ASXL2: variants seen among roughly 807,000 people sequenced by gnomAD.
ASXL2 encodes the protein ASXL transcriptional regulator 2.
A neutral mutation model predicts 122.0 loss-of-function variants in ASXL2; 23 were observed. The observed-to-expected ratio is 0.19, with a 90% CI of 0.14 to 0.27. The LOEUF is 0.27. Ranked by LOEUF, ASXL2 falls within the 10% of genes least tolerant of loss-of-function variation. The probability of loss-of-function intolerance (pLI) is 1.00; values close to 1 mark genes in which losing one functional copy is unlikely to be tolerated. For missense variants in ASXL2, 1,518 were observed against 1,713.8 expected, an observed-to-expected ratio of 0.89 and a Z score of 2.02; for synonymous variants, 650 against 637.0, an observed-to-expected ratio of 1.02 and a Z score of -0.31.
At chr2:25,837,585 C>T (rs1335572153) in intron 2 of ASXL2, among the ~76,000 whole-genome samples, 1 of 152,118 alleles carries the variant, frequency 6.6e-6, no homozygotes, top group East Asian at 1.9e-4. Context: ...GGTACTGTGG[C>T]TCACATCTGT....
intron 5 of ASXL2, 100 bp from the exon 6 acceptor site, chr2:25,771,640 A>G (rs1258370984): frequency 1.1e-6 from 1 of 922,922 alleles, no homozygotes; most frequent in African/African-American, 1.7e-5. Flanking sequence ...AAGAACTATG[A>G]CCAAACACTT....
At chr2:25,778,957 A>G (rs1353610308) in intron 5 of ASXL2, among the ~76,000 whole-genome samples, 1 of 152,146 alleles carries the variant, frequency 6.6e-6, no homozygotes, top group African/African-American at 2.4e-5. Context: ...TCAATAGGTT[A>G]CCACTAGTTC....
intron 3 of ASXL2, chr2:25,822,510 T>C (rs1486393923): frequency 4.1e-6 from 2 of 493,272 alleles, no homozygotes; most frequent in Non-Finnish European, 7.7e-6. Context: ...GAAGGGACTA[T>C]GTCTTCACTG....
Position 25,734,978 on chromosome 2 carries a change from C to T in ASXL2, c.*7051G>A, listed in dbSNP as rs943819052. 3 of 152,142 alleles carry T rather than the reference C, an allele frequency of 2.0e-5. No individual in the cohort carries two copies. The highest frequency in any genetic ancestry group is 4.4e-5 in the Non-Finnish European group (3 of 68,010). The allele number at this position is 152,142 out of a possible 1,614,324, so 9.4% of individuals were successfully genotyped here. A position where few individuals can be genotyped will look rare whatever the true frequency, so the allele number is the denominator to read the frequency against. ...GTTATCTTTCTTCTCCCTAAGGCAT[C>T]CTCTAGGTTTTACAATTAAGAAGAA... On this transcript the variant is annotated 3_prime_UTR_variant, in exon 13 of 13. Transcript: ENST00000435504.
In ASXL2 at chr2:25,740,116, G is replaced by A. The variant is rs970995514; in HGVS notation, c.*1913C>T. ...CTGGAAGAAAGGAGAAAGATGGACA[G>A]ACATATCGTTCTGGCTGAAGCTGGA... is the stretch of plus-strand genomic sequence containing the variant. On this transcript the variant is annotated 3_prime_UTR_variant, in exon 13 of 13. Transcript: ENST00000435504. 4.4e-5 allele frequency: 10 copies of A among 225,664 alleles called. No homozygotes were observed. Among genetic ancestry groups the A allele is most frequent in the Non-Finnish European group, 8.8e-5 (10 of 113,368 alleles). 14.0% of individuals were successfully genotyped at this position (225,664 alleles called of 1,614,324 possible).
chr2:25,773,065 C>T (rs1243030233), intron 5 of ASXL2, among the ~76,000 whole-genome samples: 1 of 151,606 alleles, frequency 6.6e-6, no homozygotes, highest in African/African-American at 2.4e-5. Context: ...AAAAATTAGC[C>T]GGGTGTGGTG....
In ASXL2 at chr2:25,742,970, G is replaced by A; in HGVS notation, c.3367C>T (p.His1123Tyr). The change falls in exon 13 of 13, where the codon CAC becomes TAC. Residue 1123 changes from histidine to tyrosine, a missense_variant. His to Tyr is a moderately conservative substitution (Grantham distance 83). This residue lies in a region of ASXL2 where 831 missense variants were observed against 833.1 expected (regional missense o/e 1.00). Transcript: ENST00000435504. ...TAGGTAGAAATATTCAGTAAGTAGT[G>A]CCCTGCCATTGCAGGTTTGGATGTC... The part of the protein sequence containing the change: ...RRTSKPAMAG[H>Y]YLLNISTYGR... 6.2e-7 allele frequency: 1 copy of A among 1,614,010 alleles called. No individual in the cohort carries two copies. The highest frequency in any genetic ancestry group is 8.5e-7 in the Non-Finnish European group (1 of 1,179,892).
chr2:25,822,027 G>A (rs1273276709), intron 3 of ASXL2, among the ~76,000 whole-genome samples: 1 of 152,158 alleles, frequency 6.6e-6, no homozygotes, highest in Non-Finnish European at 1.5e-5. Context: ...AGATTTAATG[G>A]ACTGAATCTC....
At chr2:25,860,183 TGCCTG>T (rs1574452604) in intron 1 of ASXL2, among the ~76,000 whole-genome samples, 3 of 151,992 alleles carry the variant, frequency 2.0e-5, no homozygotes, top group Non-Finnish European at 4.4e-5. Context: ...TGGTGGCGCA[TGCCTG>T]TAATCCCAGC....
intron 2 of ASXL2, among the ~76,000 whole-genome samples, chr2:25,837,953 C>CA (rs34490545): frequency 0.097 from 6,365 of 65,304 alleles, 226 homozygotes; most frequent in Middle Eastern, 0.13. Flanking sequence ...CCTGTCTCTA[C>CA]AAAAAAAAAA....
chr2:25,764,767 T>C (rs183194581), intron 8 of ASXL2, among the ~76,000 whole-genome samples: 3 of 152,350 alleles, frequency 2.0e-5, no homozygotes, highest in Admixed American at 6.5e-5. Context: ...ACTGTCAACC[T>C]TCCTTGAAAA....
chr2:25,766,974 G>C (rs1231697403), intron 8 of ASXL2, among the ~76,000 whole-genome samples: 1 of 152,142 alleles, frequency 6.6e-6, no homozygotes, highest in East Asian at 1.9e-4. Context: ...TTATGTGGCT[G>C]CTTTATCCCT....
At chr2:25,851,983 A>G (rs1265082103) in intron 1 of ASXL2, among the ~76,000 whole-genome samples, 1 of 152,158 alleles carries the variant, frequency 6.6e-6, no homozygotes, top group East Asian at 1.9e-4. Flanking sequence ...AGAATGAGGG[A>G]AAAAAACCCT....
chr2:25,824,794 GT>G (rs1009399901), intron 3 of ASXL2, among the ~76,000 whole-genome samples: 1 of 151,948 alleles, frequency 6.6e-6, no homozygotes, highest in African/African-American at 2.4e-5. Flanking sequence ...AACTTTTCCG[GT>G]AACTAATGAT....
chr2:25,822,685 T>C (rs1310512478), intron 3 of ASXL2: 4 of 704,926 alleles, frequency 5.7e-6, no homozygotes, highest in South Asian at 2.7e-5. Flanking sequence ...GACAGATCAA[T>C]TGTATGTTGT....
In ASXL2 at chr2:25,780,903, C is replaced by T. The variant is rs372877392; in HGVS notation, c.404-9363G>A. 2.4e-4 allele frequency among the ~76,000 whole-genome samples: 37 copies of T among 151,432 alleles called. 1 individual carries two copies. The highest frequency in any genetic ancestry group is 3.2e-3 in the Middle Eastern group (1 of 316). On this transcript the variant is annotated intron_variant, in intron 5 of 12. Transcript: ENST00000435504. ...GAGATCGAGACCATCCTAGCTAACA[C>T]GGTGAAACCCCGTCTCTACTAAAAA...
chr2:25,858,275 T>G (rs1217790880), intron 1 of ASXL2, among the ~76,000 whole-genome samples: 6 of 152,148 alleles, frequency 3.9e-5, no homozygotes, highest in African/African-American at 1.4e-4. Context: ...CCTAAATCCC[T>G]TATCCTATAT....
intron 5 of ASXL2, among the ~76,000 whole-genome samples, chr2:25,789,989 G>T (rs1184506985): frequency 2.0e-5 from 3 of 152,050 alleles, no homozygotes; most frequent in African/African-American, 7.2e-5. Flanking sequence ...TAGGGAGATG[G>T]GGGTTATTTT....
intron 5 of ASXL2, among the ~76,000 whole-genome samples, chr2:25,775,137 G>GT (rs35210018): frequency 0.26 from 38,580 of 151,042 alleles, 5,152 homozygotes; most frequent in Non-Finnish European, 0.29. Flanking sequence ...TCTTTTTTTT[G>GT]TTTTTTTGAG....
Sources: gnomAD v4.1 joint callset for allele counts (sites outside exome capture counted in the v4.1 genomes callset) on GRCh38, gnomAD v4.1.1 for gene constraint, gnomAD v4.1.1 regional missense constraint, MANE v1.5 for transcripts, NCBI Gene and HGNC (gene_info 2026-07-23, HGNC 2026-07-21) for gene names.